NMNAT2: variants seen among roughly 807,000 people sequenced by gnomAD.
NMNAT2 encodes nicotinamide/nicotinic acid mononucleotide adenylyltransferase 2.
A neutral mutation model predicts 41.6 loss-of-function variants in NMNAT2; 11 were observed. The observed-to-expected ratio is 0.26, with a 90% CI of 0.17 to 0.44. The LOEUF is 0.44. Ranked by LOEUF, NMNAT2 falls within the 20% of genes least tolerant of loss-of-function variation. The pLI is 1.00. For synonymous variants in NMNAT2, 148 were observed against 151.2 expected, an observed-to-expected ratio of 0.98 and a Z score of 0.16; for missense variants, 288 against 407.7, an observed-to-expected ratio of 0.71 and a Z score of 2.53.
At chr1:183,390,145 C>G (rs1648436867) in intron 1 of NMNAT2, among the ~76,000 whole-genome samples, 1 of 152,052 alleles carries the variant, frequency 6.6e-6, no homozygotes. Context: ...GCTGTTTTCT[C>G]TGTGTGTTTA....
chr1:183,376,465 T>G (rs1355281777), intron 1 of NMNAT2, among the ~76,000 whole-genome samples: 1 of 152,170 alleles, frequency 6.6e-6, no homozygotes, highest in Non-Finnish European at 1.5e-5. Context: ...TTGACTTCAC[T>G]TTATTGAAGG....
rs542624891 is a variant in NMNAT2 at position 183,347,262 on chromosome 1, T to G, written c.86-53469A>C. 2.0e-5 allele frequency among the ~76,000 whole-genome samples: 3 copies of G among 152,194 alleles called. No homozygotes were observed. In the South Asian group the frequency reaches 6.2e-4, roughly 32 times the overall value. On this transcript the variant is annotated intron_variant, in intron 1 of 10. Coordinates refer to ENST00000287713, the MANE Select transcript of NMNAT2 (RefSeq NM_015039.4). ...TGAGGCCAGGAGTTTGAGACCAGCCTGGGCAATATAGTGAGATGCCATCTC... is the reference window on the plus strand; with the variant it reads ...TGAGGCCAGGAGTTTGAGACCAGCCGGGGCAATATAGTGAGATGCCATCTC...
At chr1:183,398,363 A>G (rs1272380722) in intron 1 of NMNAT2, among the ~76,000 whole-genome samples, 1 of 152,240 alleles carries the variant, frequency 6.6e-6, no homozygotes, top group African/African-American at 2.4e-5. Context: ...AAAGCTAACT[A>G]TCCTAAATAT....
intron 10 of NMNAT2, among the ~76,000 whole-genome samples, chr1:183,254,843 A>G (rs1660477618): frequency 6.6e-6 from 1 of 152,174 alleles, no homozygotes. Context: ...TGATTTGAAA[A>G]TATTTTTTCT....
At chr1:183,304,252 AT>A (rs1367632463) in intron 1 of NMNAT2, among the ~76,000 whole-genome samples, 1 of 152,236 alleles carries the variant, frequency 6.6e-6, no homozygotes, top group Non-Finnish European at 1.5e-5. Flanking sequence ...AAGATATGAT[AT>A]TTTGCAGGTA....
At chr1:183,360,237 C>G (rs919036794) in intron 1 of NMNAT2, among the ~76,000 whole-genome samples, 2 of 152,032 alleles carry the variant, frequency 1.3e-5, no homozygotes, top group African/African-American at 4.8e-5. Context: ...ATATGAAGCC[C>G]AATTCATAGA....
intron 1 of NMNAT2, among the ~76,000 whole-genome samples, chr1:183,302,011 AT>A (rs1661867198): frequency 6.6e-6 from 1 of 152,234 alleles, no homozygotes; most frequent in South Asian, 2.1e-4. Flanking sequence ...ATTTGTAAAC[AT>A]TCTAAATTTT....
chr1:183,337,378 A>C (rs935481283), intron 1 of NMNAT2, among the ~76,000 whole-genome samples: 2 of 152,112 alleles, frequency 1.3e-5, no homozygotes, highest in Admixed American at 6.5e-5. Context: ...AAAATACAAC[A>C]ACAAATTTAT....
intron 1 of NMNAT2, among the ~76,000 whole-genome samples, chr1:183,395,370 T>C (rs577447640): frequency 6.6e-6 from 1 of 151,382 alleles, no homozygotes; most frequent in South Asian, 2.1e-4. Context: ...TAGAGGTGGG[T>C]CAAGGAAGAT....
At chr1:183,306,147 A>T (rs1237230192) in intron 1 of NMNAT2, among the ~76,000 whole-genome samples, 1 of 148,132 alleles carries the variant, frequency 6.8e-6, no homozygotes, top group Non-Finnish European at 1.5e-5. Flanking sequence ...TCTTGGTTTT[A>T]GCACTAAAAA....
At chr1:183,336,750 T>C (rs1310487033) in intron 1 of NMNAT2, among the ~76,000 whole-genome samples, 1 of 152,174 alleles carries the variant, frequency 6.6e-6, no homozygotes, top group Non-Finnish European at 1.5e-5. Flanking sequence ...CAAAAATACT[T>C]ACACAAGAAT....
In NMNAT2 at chr1:183,252,698, G is replaced by A. The variant is rs557324760; in HGVS notation, c.867C>T (p.Ser289=). 1.2e-6 allele frequency: 2 copies of A among 1,614,088 alleles called. No homozygotes were observed. The highest frequency in any genetic ancestry group is 2.7e-5 in the African/African-American group (2 of 75,024). The change falls in exon 11 of 11, where the codon TCC becomes TCT. Residue 289 remains serine (S), a synonymous_variant. Transcript: ENST00000287713. ...TGAGGATGTAGTCGATGACCGGCTG[G>A]GACAGGTAATCCACAACATGGCCGT... ...HGDGHVVDYL[S]QPVIDYILKS...
At chr1:183,400,326 G>A (rs375125709) in intron 1 of NMNAT2, among the ~76,000 whole-genome samples, 61 of 152,162 alleles carry the variant, frequency 4.0e-4, no homozygotes, top group Non-Finnish European at 8.2e-4. Flanking sequence ...GCTTCAAAGA[G>A]AATAAAATAC....
intron 1 of NMNAT2, among the ~76,000 whole-genome samples, chr1:183,385,639 T>C (rs1412022966): frequency 1.3e-5 from 2 of 151,980 alleles, no homozygotes; most frequent in Admixed American, 6.6e-5. Context: ...ATTTAAACTA[T>C]AGGCATTGCC....
chr1:183,398,443 C>T (rs1206693812), intron 1 of NMNAT2, among the ~76,000 whole-genome samples: 1 of 152,190 alleles, frequency 6.6e-6, no homozygotes, highest in African/African-American at 2.4e-5. Context: ...AAGACTTAGA[C>T]TCCCACACAA....
intron 1 of NMNAT2, among the ~76,000 whole-genome samples, chr1:183,415,925 C>CT (rs1203181886): frequency 6.6e-6 from 1 of 152,122 alleles, no homozygotes; most frequent in Non-Finnish European, 1.5e-5. Flanking sequence ...ATATTATATC[C>CT]TTTTTTTGTA....
At chr1:183,335,878 C>G (rs1171077019) in intron 1 of NMNAT2, among the ~76,000 whole-genome samples, 2 of 152,206 alleles carry the variant, frequency 1.3e-5, no homozygotes, top group African/African-American at 4.8e-5. Context: ...GATAAATAAT[C>G]TGTGAATACA....
chr1:183,286,981 T>A (rs1187806384), intron 4 of NMNAT2, among the ~76,000 whole-genome samples, 193 bp from the exon 5 acceptor site: 2 of 150,122 alleles, frequency 1.3e-5, no homozygotes, highest in African/African-American at 4.9e-5. Flanking sequence ...GGGAGAAGCA[T>A]GAGATGTGGT....
intron 1 of NMNAT2, among the ~76,000 whole-genome samples, chr1:183,382,900 T>C (rs1663831340): frequency 6.6e-6 from 1 of 152,112 alleles, no homozygotes; most frequent in African/African-American, 2.4e-5. Context: ...ATGGTGGCTG[T>C]CTTCTCACAG....
Sources: gnomAD v4.1 joint callset for allele counts (sites outside exome capture counted in the v4.1 genomes callset) on GRCh38, gnomAD v4.1.1 for gene constraint, MANE v1.5 for transcripts, NCBI Gene and HGNC (gene_info 2026-07-23, HGNC 2026-07-21) for gene names.